The following COL4A5 variants were observed in gnomAD, a reference collection of about 807,000 sequenced individuals.
COL4A5 encodes collagen alpha-5(IV) chain.
COL4A5 carries 26 observed loss-of-function variants against 130.2 expected under a neutral mutation model. That is an observed-to-expected ratio of 0.20 (90% CI 0.15 to 0.28). The LOEUF (loss-of-function observed/expected upper bound fraction) is 0.28. Ranked by LOEUF, COL4A5 falls within the 10% of genes least tolerant of loss-of-function variation. The pLI is 1.00. For missense variants in COL4A5, 1,131 were observed against 1,344.3 expected (o/e 0.84, Z 2.48); for synonymous variants, 496 against 439.6 (o/e 1.13, Z -1.60).
intron 28 of COL4A5, among the ~76,000 whole-genome samples, chrX:108,605,121 A>AACTTT (rs2066708000): frequency 8.9e-6 from 1 of 112,306 alleles, no homozygotes; most frequent in African/African-American, 3.2e-5. Context: ...TTCCTTAAAT[A>AACTTT]ACTTTTCCTT....
intron 42 of COL4A5, among the ~76,000 whole-genome samples, chrX:108,672,827 G>A (rs1014098639): frequency 9.0e-6 from 1 of 111,689 alleles, no homozygotes; most frequent in Admixed American, 9.5e-5. Context: ...TATATAAAAT[G>A]TCTTTACTCA....
intron 1 of COL4A5, among the ~76,000 whole-genome samples, chrX:108,515,347 C>T (rs2065211454): frequency 9.0e-6 from 1 of 111,678 alleles, no homozygotes; most frequent in Non-Finnish European, 1.9e-5. Flanking sequence ...TGATAAATAT[C>T]AAGTATAACC....
intron 28 of COL4A5, among the ~76,000 whole-genome samples, chrX:108,604,754 T>C (rs1323380615): frequency 8.9e-6 from 1 of 112,442 alleles, no homozygotes. Context: ...TTCATCAACA[T>C]GGAAAATCTG....
intron 1 of COL4A5, among the ~76,000 whole-genome samples, chrX:108,510,121 C>T (rs2065167040): frequency 9.0e-6 from 1 of 111,005 alleles, no homozygotes; most frequent in African/African-American, 3.3e-5. Flanking sequence ...CTCATGAACA[C>T]AGAAGGAAAT....
intron 36 of COL4A5, among the ~76,000 whole-genome samples, chrX:108,636,953 T>C (rs1329031263): frequency 2.9e-5 from 3 of 105,010 alleles, no homozygotes; most frequent in Non-Finnish European, 5.9e-5. Context: ...TTTTTTTTTT[T>C]TTTTTTTTTG....
chrX:108,580,971 T>C lies in COL4A5; in HGVS notation c.892-12T>C. On this transcript the variant is annotated splice_polypyrimidine_tract_variant and intron_variant, in intron 15 of 52. Coordinates refer to ENST00000328300, the MANE Select transcript of COL4A5 (RefSeq NM_033380.3). Reference sequence around the variant, plus strand: ...GTATGTTGTTGCCCTATCATTTCTTTGTATCCTATAGGGTAAACCAGGCAA... The same window carrying C: ...GTATGTTGTTGCCCTATCATTTCTTCGTATCCTATAGGGTAAACCAGGCAA... 3 of 1,202,643 alleles carry C rather than the reference T, an allele frequency of 2.5e-6. No individual in the cohort carries two copies. Among genetic ancestry groups the C allele is most frequent in the Non-Finnish European group, 3.4e-6 (3 of 887,328 alleles).
intron 1 of COL4A5, among the ~76,000 whole-genome samples, chrX:108,538,176 C>T (rs2065482110): frequency 9.0e-6 from 1 of 111,538 alleles, no homozygotes; most frequent in Non-Finnish European, 1.9e-5. Context: ...CTGTGTGTTA[C>T]TCATCTTAGA....
intron 1 of COL4A5, among the ~76,000 whole-genome samples, chrX:108,464,659 G>A (rs1438184555): frequency 8.9e-6 from 1 of 112,104 alleles, no homozygotes; most frequent in African/African-American, 3.2e-5. Context: ...CTAATTTTGG[G>A]ATTCCTTCTC....
rs193049994 is a variant in COL4A5, at chrX:108,570,143, A to C, written c.385-1270A>C. On this transcript the variant is annotated intron_variant, in intron 6 of 52. Transcript: ENST00000328300. ...TCATCTCCAGTATTTCTTCAGGTCA[A>C]TGTAACCCTTGTCAATAATAATAAT... Among the ~76,000 whole-genome samples the C allele has an allele frequency of 1.2e-4, 13 of 111,503 alleles. No homozygotes were observed. The East Asian group carries it at 2.2e-3, about 19-fold the overall frequency.
intron 36 of COL4A5, among the ~76,000 whole-genome samples, chrX:108,633,615 G>A (rs939858217): frequency 2.7e-5 from 3 of 110,617 alleles, no homozygotes; most frequent in East Asian, 2.8e-4. Flanking sequence ...ATTTTTAATG[G>A]GTGATAGCAG....
chrX:108,450,085 T>C (rs2064493331), intron 1 of COL4A5, among the ~76,000 whole-genome samples: 1 of 111,809 alleles, frequency 8.9e-6, no homozygotes, highest in Admixed American at 9.5e-5. Flanking sequence ...GTAGCATTAA[T>C]TTATATTAAT....
At chrX:108,509,105 G>T (rs2065156531) in intron 1 of COL4A5, among the ~76,000 whole-genome samples, 1 of 112,126 alleles carries the variant, frequency 8.9e-6, no homozygotes, top group South Asian at 3.7e-4. Flanking sequence ...AAGAGCAAAA[G>T]AAACTATCAA....
chrX:108,675,485 G>A (rs2068286670), intron 43 of COL4A5, among the ~76,000 whole-genome samples: 1 of 111,204 alleles, frequency 9.0e-6, no homozygotes, highest in African/African-American at 3.3e-5. Context: ...CATACATTGT[G>A]GATTAAATTG....
intron 30 of COL4A5, among the ~76,000 whole-genome samples, chrX:108,617,157 T>G (rs1284495448): frequency 9.0e-6 from 1 of 111,092 alleles, no homozygotes; most frequent in African/African-American, 3.3e-5. Flanking sequence ...ATACTCACTT[T>G]CTAAGTAAAT....
At chrX:108,636,179 G>A (rs1013390238) in intron 36 of COL4A5, among the ~76,000 whole-genome samples, 8 of 111,704 alleles carry the variant, frequency 7.2e-5, no homozygotes, top group Non-Finnish European at 1.5e-4. Context: ...GTCTGCAAAA[G>A]AATGAATCTG....
Position 108,503,020 on chromosome X carries a change from A to G in COL4A5, c.82-36726A>G, listed in dbSNP as rs776735169. ...TCGAAGAACCTATGCCATCTGACTT[A>G]CAGAGCATCTCACCTTTTGGATTCT... On this transcript the variant is annotated intron_variant, in intron 1 of 52. Transcript: ENST00000328300. 7.8e-4 allele frequency among the ~76,000 whole-genome samples: 87 copies of G among 112,175 alleles called. 1 individual carries two copies. The highest frequency in any genetic ancestry group is 1.4e-3 in the Non-Finnish European group (73 of 53,256).
intron 1 of COL4A5, among the ~76,000 whole-genome samples, chrX:108,472,783 A>G (rs2064786521): frequency 8.9e-6 from 1 of 112,079 alleles, no homozygotes; most frequent in Admixed American, 9.5e-5. Context: ...TTGGGAATAT[A>G]CCTAGTAGTG....
chrX:108,562,160 C>G (rs1402848144), intron 3 of COL4A5, among the ~76,000 whole-genome samples: 3 of 111,986 alleles, frequency 2.7e-5, no homozygotes, highest in Admixed American at 9.5e-5. Context: ...CCAGCTTGGA[C>G]TACACTGTCA....
At chrX:108,456,439 T>C (rs184581430) in intron 1 of COL4A5, among the ~76,000 whole-genome samples, 1 of 112,136 alleles carries the variant, frequency 8.9e-6, no homozygotes, top group Admixed American at 9.5e-5. Context: ...TTTCTAAATT[T>C]ATTCATTAGT....
Sources: gnomAD v4.1 joint callset for allele counts (sites outside exome capture counted in the v4.1 genomes callset) on GRCh38, gnomAD v4.1.1 for gene constraint, MANE v1.5 for transcripts, NCBI Gene and HGNC (gene_info 2026-07-23, HGNC 2026-07-21) for gene names.